The following SEMA5A variants were observed in gnomAD, a reference collection of about 807,000 sequenced individuals.
SEMA5A encodes semaphorin-5A.
Under a neutral mutation model 135.5 loss-of-function variants are expected in SEMA5A, and 55 were observed. That is an observed-to-expected ratio of 0.41 (90% CI 0.33 to 0.51). The LOEUF is 0.51. SEMA5A is among the 20% of genes least tolerant of loss of function. The pLI, the probability that SEMA5A is intolerant of heterozygous loss-of-function variation, is 0.37. For synonymous variants in SEMA5A, 580 were observed against 546.5 expected (o/e 1.06, Z -0.85); for missense variants, 1,290 against 1,419.9 (o/e 0.91, Z 1.47).
chr5:9,301,773 C>A (rs1411368638), intron 5 of SEMA5A, among the ~76,000 whole-genome samples: 1 of 152,110 alleles, frequency 6.6e-6, no homozygotes, highest in East Asian at 1.9e-4. Flanking sequence ...ACCTGCCCAC[C>A]TGCAATATAT....
At chr5:9,512,518 CCTTT>C (rs901669336) in intron 1 of SEMA5A, among the ~76,000 whole-genome samples, 3 of 152,036 alleles carry the variant, frequency 2.0e-5, no homozygotes, top group African/African-American at 7.2e-5. Context: ...GTGTTATTTT[CCTTT>C]CTATCTTTTT....
chr5:9,296,435 G>A (rs1015284871), intron 5 of SEMA5A, among the ~76,000 whole-genome samples: 21 of 152,026 alleles, frequency 1.4e-4, no homozygotes, highest in Non-Finnish European at 4.4e-5. Flanking sequence ...TCAGCTATAA[G>A]TACATGATGT....
intron 1 of SEMA5A, among the ~76,000 whole-genome samples, chr5:9,444,415 C>T (rs1347360275): frequency 6.6e-6 from 1 of 152,170 alleles, no homozygotes. Context: ...AACTTAGCTC[C>T]CACTTATGAA....
chr5:9,107,842 C>G (rs1740006112), intron 16 of SEMA5A, among the ~76,000 whole-genome samples: 1 of 152,100 alleles, frequency 6.6e-6, no homozygotes. Flanking sequence ...GTGAGAGGAC[C>G]TGGTACCTCC....
intron 18 of SEMA5A, among the ~76,000 whole-genome samples, chr5:9,054,811 C>T (rs1736801208): frequency 6.6e-6 from 1 of 152,158 alleles, no homozygotes; most frequent in Non-Finnish European, 1.5e-5. Flanking sequence ...CTGAAGAATG[C>T]TCGGTAAATT....
intron 8 of SEMA5A, among the ~76,000 whole-genome samples, chr5:9,224,027 T>C (rs1007284703): frequency 6.6e-6 from 1 of 152,128 alleles, no homozygotes; most frequent in Non-Finnish European, 1.5e-5. Context: ...TTGCCACATG[T>C]GGATGCAATA....
At chr5:9,143,764 C>T (rs899816159) in intron 12 of SEMA5A, among the ~76,000 whole-genome samples, 7 of 152,172 alleles carry the variant, frequency 4.6e-5, no homozygotes, top group East Asian at 1.9e-4. Context: ...GCAGAGACCC[C>T]GTTCCACTCC....
chr5:9,274,192 T>C (rs1750134896), intron 5 of SEMA5A, among the ~76,000 whole-genome samples: 1 of 152,142 alleles, frequency 6.6e-6, no homozygotes, highest in South Asian at 2.1e-4. Flanking sequence ...GTTGCAATGC[T>C]AGTCTCTGAT....
chr5:9,198,049 T>G (rs1406788525), intron 9 of SEMA5A, among the ~76,000 whole-genome samples: 4 of 152,028 alleles, frequency 2.6e-5, no homozygotes, highest in Admixed American at 2.6e-4. Flanking sequence ...ACAGCAACAT[T>G]ATTTGGTTAA....
intron 3 of SEMA5A, chr5:9,363,350 G>A (rs1454274609): frequency 7.1e-6 from 1 of 141,010 alleles, no homozygotes; most frequent in African/African-American, 2.6e-5. Flanking sequence ...AACAGAGCAG[G>A]GAGGCAGATG....
intron 1 of SEMA5A, among the ~76,000 whole-genome samples, chr5:9,506,813 C>A (rs1477303436): frequency 2.0e-5 from 3 of 152,216 alleles, no homozygotes; most frequent in Non-Finnish European, 2.9e-5. Context: ...CACTTTCATG[C>A]TGAAATCATG....
At chr5:9,069,189 C>A (rs770819398) in intron 16 of SEMA5A, among the ~76,000 whole-genome samples, 14 of 152,162 alleles carry the variant, frequency 9.2e-5, no homozygotes, top group Non-Finnish European at 1.8e-4. Flanking sequence ...GCACAGAGAG[C>A]CATTCTTGCC....
chr5:9,382,249 A>G (rs1001863579), intron 2 of SEMA5A, among the ~76,000 whole-genome samples: 4 of 152,162 alleles, frequency 2.6e-5, no homozygotes, highest in African/African-American at 9.7e-5. Context: ...GCAGACAGCT[A>G]AGAATGTGCC....
At chr5:9,073,732 C>A (rs139253905) in intron 16 of SEMA5A, among the ~76,000 whole-genome samples, 6 of 151,980 alleles carry the variant, frequency 3.9e-5, no homozygotes, top group Non-Finnish European at 8.8e-5. Flanking sequence ...AAAAAAGCTA[C>A]TAGAAGTAAT....
At chr5:9,131,257 G>A (rs1741394972) in intron 13 of SEMA5A, among the ~76,000 whole-genome samples, 1 of 152,132 alleles carries the variant, frequency 6.6e-6, no homozygotes, top group Non-Finnish European at 1.5e-5. Context: ...GAAGGTGAAA[G>A]GGGAGCAGAT....
At chr5:9,321,501 A>G (rs1579340494) in intron 4 of SEMA5A, among the ~76,000 whole-genome samples, 1 of 152,204 alleles carries the variant, frequency 6.6e-6, no homozygotes, top group Non-Finnish European at 1.5e-5. Context: ...TTCTGCCTCT[A>G]TACAATCTCA....
intron 12 of SEMA5A, among the ~76,000 whole-genome samples, chr5:9,151,690 TTTC>T (rs1742643771): frequency 6.6e-6 from 1 of 152,192 alleles, no homozygotes. Flanking sequence ...AATCTTTAGT[TTTC>T]TTTTCTCGAA....
At chr5:9,326,128 T>A (rs1752861378) in intron 4 of SEMA5A, among the ~76,000 whole-genome samples, 1 of 152,220 alleles carries the variant, frequency 6.6e-6, no homozygotes, top group Non-Finnish European at 1.5e-5. Context: ...CACACAATAC[T>A]TTCCTCACTG....
chr5:9,244,854 G>T (rs970341044), intron 5 of SEMA5A, among the ~76,000 whole-genome samples: 1 of 152,226 alleles, frequency 6.6e-6, no homozygotes, highest in African/African-American at 2.4e-5. Context: ...CATCCCACAA[G>T]AATTTCTCTT....
Sources: gnomAD v4.1 joint callset for allele counts (sites outside exome capture counted in the v4.1 genomes callset) on GRCh38, gnomAD v4.1.1 for gene constraint, MANE v1.5 for transcripts, NCBI Gene and HGNC (gene_info 2026-07-23, HGNC 2026-07-21) for gene names.